C12orf50: variants seen among roughly 807,000 people sequenced by gnomAD.
C12orf50 encodes the protein zinc finger CCCH-type containing 11D.
C12orf50 carries 35 observed loss-of-function variants against 61.6 expected under a neutral mutation model. That is an observed-to-expected ratio of 0.57 (90% CI 0.43 to 0.75). C12orf50 has a LOEUF of 0.75. C12orf50 is among the 30% of genes least tolerant of loss of function. The pLI is 0.00. For synonymous variants in C12orf50, 178 were observed against 161.5 expected (o/e 1.10, Z -0.77); for missense variants, 475 against 488.5 (o/e 0.97, Z 0.26).
chr12:88,015,448 A>C (rs1424884528), intron 3 of C12orf50, among the ~76,000 whole-genome samples: 1 of 152,244 alleles, frequency 6.6e-6, no homozygotes, highest in Admixed American at 6.5e-5. Flanking sequence ...ATAAATAAAA[A>C]TCAAATGATC....
rs577678823 is a variant in C12orf50, at chr12:88,014,505, G to A, written c.133+11983C>T. 1.4e-4 allele frequency among the ~76,000 whole-genome samples: 21 copies of A among 152,090 alleles called. No homozygotes were observed. The East Asian group carries it at 3.9e-3, about 28-fold the overall frequency. On this transcript the variant is annotated intron_variant, in intron 3 of 12. Transcript: ENST00000298699. ...TTAGTAGAGACGGGTTTCACCGTAT[G>A]AGCCAGGATGGTCTCGATCTCCTGA...
chr12:88,027,528 G>A (rs2032752148), intron 1 of C12orf50, among the ~76,000 whole-genome samples: 1 of 152,056 alleles, frequency 6.6e-6, no homozygotes, highest in Non-Finnish European at 1.5e-5. Context: ...AGTCTATGGA[G>A]ATACTGTTAA....
chr12:87,981,886 TC>T (rs1219708875), intron 12 of C12orf50, among the ~76,000 whole-genome samples: 1 of 152,038 alleles, frequency 6.6e-6, no homozygotes, highest in Non-Finnish European at 1.5e-5. Context: ...TCAAAGCTTT[TC>T]TCCCTAGATT....
chr12:88,016,205 A>G (rs1404085395), intron 3 of C12orf50, among the ~76,000 whole-genome samples: 1 of 152,194 alleles, frequency 6.6e-6, no homozygotes, highest in Non-Finnish European at 1.5e-5. Flanking sequence ...ACAAAATTAC[A>G]CACATTTGTA....
At chr12:87,985,708 C>G in intron 11 of C12orf50, 142 bp downstream of exon 11, 1 of 771,058 alleles carries the variant, frequency 1.3e-6, no homozygotes, top group Admixed American at 2.4e-5. Flanking sequence ...TGGAAGAAAT[C>G]CTCTCACTAG....
At position 87,985,943 on chromosome 12, in the gene C12orf50, C is replaced by A; in HGVS notation, c.1033G>T (p.Val345Phe). Residue 345 changes from valine to phenylalanine, a missense_variant, in exon 11 of 13, where the codon GTC becomes TTC. Coordinates refer to ENST00000298699, the MANE Select transcript of C12orf50 (RefSeq NM_152589.3). ...IHVQRDAVRT[V>F]ALNAPSRSRP... ...CTGCGGGAAGGTGCATTCAACGCGA[C>A]AGTCCTGACAGCATCTCTTTGAACG... 2 of 1,613,890 alleles carry A rather than the reference C, an allele frequency of 1.2e-6. No individual in the cohort carries two copies. The highest frequency in any genetic ancestry group is 1.7e-6 in the Non-Finnish European group (2 of 1,179,876).
At chr12:87,987,801 G>T in intron 9 of C12orf50, 49 bp downstream of exon 9, 1 of 1,176,186 alleles carries the variant, frequency 8.5e-7, no homozygotes, top group South Asian at 1.4e-5. Flanking sequence ...CAAATCCATG[G>T]TAAGACAAAT....
At chr12:87,985,088 T>C (rs1186395686) in intron 11 of C12orf50, 1 of 151,864 alleles carries the variant, frequency 6.6e-6, no homozygotes, top group East Asian at 1.9e-4. Context: ...ATTTATTAAA[T>C]TATAAAAGAA....
intron 3 of C12orf50, among the ~76,000 whole-genome samples, chr12:88,004,855 G>A (rs1298401449): frequency 6.6e-6 from 1 of 152,108 alleles, no homozygotes. Context: ...CACAAACAAG[G>A]GAAGAACAGA....
intron 3 of C12orf50, among the ~76,000 whole-genome samples, chr12:88,010,484 A>T (rs1193573087): frequency 6.8e-6 from 1 of 146,516 alleles, no homozygotes; most frequent in Admixed American, 6.8e-5. Flanking sequence ...TAATAAGATT[A>T]TAAGATTATT....
intron 1 of C12orf50, among the ~76,000 whole-genome samples, chr12:88,028,226 C>T (rs1250832024): frequency 6.6e-6 from 1 of 152,168 alleles, no homozygotes; most frequent in Non-Finnish European, 1.5e-5. Flanking sequence ...AAACACTCTG[C>T]CCACCTGGGA....
chr12:88,029,901 A>G (rs755903175), upstream of C12orf50, among the ~76,000 whole-genome samples: 12 of 152,164 alleles, frequency 7.9e-5, no homozygotes, highest in Non-Finnish European at 1.8e-4. Flanking sequence ...TTTTTCATCC[A>G]TCATAAAAAG....
At chr12:88,025,669 G>A (rs538078271) in intron 3 of C12orf50, among the ~76,000 whole-genome samples, 21 of 152,300 alleles carry the variant, frequency 1.4e-4, no homozygotes, top group Admixed American at 3.3e-4. Flanking sequence ...AACCCGGGAG[G>A]TGGAGGCTGC....
intron 3 of C12orf50, among the ~76,000 whole-genome samples, chr12:88,007,918 A>C (rs1226517931): frequency 6.6e-6 from 1 of 152,068 alleles, no homozygotes; most frequent in Non-Finnish European, 1.5e-5. Context: ...TAAAAGTGGA[A>C]CTTTATCATC....
intron 1 of C12orf50, among the ~76,000 whole-genome samples, chr12:88,028,831 G>C (rs1184225501): frequency 1.3e-5 from 2 of 151,920 alleles, no homozygotes. Flanking sequence ...ACATATAACT[G>C]GTATATATAA....
chr12:88,019,915 C>G (rs2032453651), intron 3 of C12orf50, among the ~76,000 whole-genome samples: 2 of 152,036 alleles, frequency 1.3e-5, no homozygotes, highest in South Asian at 4.1e-4. Flanking sequence ...AAATTCCAAC[C>G]AAGAATATCA....
chr12:88,018,222 G>T (rs370435220), intron 3 of C12orf50, among the ~76,000 whole-genome samples: 2 of 152,198 alleles, frequency 1.3e-5, no homozygotes, highest in South Asian at 4.1e-4. Flanking sequence ...TGGACTTGGT[G>T]CCCTGTGTCC....
At chr12:88,018,046 A>T (rs1021022830) in intron 3 of C12orf50, among the ~76,000 whole-genome samples, 2 of 152,260 alleles carry the variant, frequency 1.3e-5, no homozygotes, top group East Asian at 3.8e-4. Context: ...AGAAATTTTC[A>T]TAATTAACAA....
Position 87,989,340 on chromosome 12 carries a change from T to C in C12orf50, c.624A>G (p.Ile208Met), listed in dbSNP as rs1271055425. ...GGDCYVPQRV[I>M]FLGVDESEAL... ...CTTCACTTTCATCGACTCCAAGAAATATGACCCTCTGTGGAACATAACAGT... is the reference window on the plus strand; with the variant it reads ...CTTCACTTTCATCGACTCCAAGAAACATGACCCTCTGTGGAACATAACAGT... Residue 208 changes from isoleucine to methionine, a missense_variant, in exon 8 of 13, where the codon ATA becomes ATG. Ile to Met is a conservative substitution (Grantham distance 10). Transcript: ENST00000298699. 2 of 1,612,002 alleles carry C rather than the reference T, an allele frequency of 1.2e-6. No individual in the cohort carries two copies. Among genetic ancestry groups the C allele is most frequent in the Non-Finnish European group, 1.7e-6 (2 of 1,178,752 alleles).
Sources: allele counts gnomAD v4.1 joint callset (sites outside exome capture counted in the v4.1 genomes callset), GRCh38; gene constraint gnomAD v4.1.1; transcripts MANE v1.5; gene names NCBI Gene and HGNC (gene_info 2026-07-23, HGNC 2026-07-21).